Variants in GOT1L1 observed in about 807,000 individuals in gnomAD.
GOT1L1 encodes the protein glutamic-oxaloacetic transaminase 1 like 1, also known as aspartate aminotransferase, cytoplasmic 2.
In GOT1L1, 38 loss-of-function variants were observed where a neutral mutation model predicts 43.6. The observed-to-expected ratio is 0.87, with a 90% CI of 0.67 to 1.14. The LOEUF (loss-of-function observed/expected upper bound fraction) is 1.14, where lower values mean the gene tolerates loss of function less well. GOT1L1 is among the 50% of genes most tolerant of loss of function. The probability of loss-of-function intolerance (pLI) is 0.00; values close to 1 mark genes in which losing one functional copy is unlikely to be tolerated. For missense variants in GOT1L1, 482 were observed against 504.0 expected (o/e 0.96, Z 0.42); for synonymous variants, 183 against 187.2 (o/e 0.98, Z 0.18).
At chr8:37,939,428 AAAAATATATATATATATATAT>A (rs1276689497) in intron 1 of GOT1L1, among the ~76,000 whole-genome samples, 5 of 55,262 alleles carry the variant, frequency 9.0e-5, no homozygotes, top group African/African-American at 4.2e-4. Flanking sequence ...AAAAAAAAAA[AAAAATATATATATATATATAT>A]ATATATATAT....
intron 1 of GOT1L1, 47 bp downstream of exon 1, chr8:37,939,868 A>G: frequency 6.4e-7 from 1 of 1,574,572 alleles, no homozygotes; most frequent in East Asian, 2.3e-5. Context: ...TCCTAGAGGC[A>G]GTTACCATCA....
chr8:37,935,724 G>T lies in GOT1L1; in HGVS notation c.909C>A (p.Asn303Lys). ...CTTACCATTCTCCCAGCAGAGCAGG[G>T]TTGCAGAGGATGGAGGTGATGACAC... is the stretch of plus-strand genomic sequence containing the variant. ...GARVITSILC[N>K]PALLGEWKQS... The change falls in exon 7 of 9, where the codon AAC becomes AAA. Residue 303 changes from asparagine to lysine, a missense_variant. Transcript: ENST00000307599. 6.3e-7 allele frequency: 1 copy of T among 1,597,658 alleles called. No individual in the cohort carries two copies. Among genetic ancestry groups the T allele is most frequent in the Admixed American group, 1.7e-5 (1 of 57,372 alleles).
chr8:37,939,429 A>AT (rs1554537556), intron 1 of GOT1L1, among the ~76,000 whole-genome samples: 6 of 52,746 alleles, frequency 1.1e-4, no homozygotes, highest in Admixed American at 2.0e-4. Context: ...AAAAAAAAAA[A>AT]AAATATATAT....
Position 37,939,416 on chromosome 8 carries a change from G to GAAAAA in GOT1L1, c.115+494_115+498dup, listed in dbSNP as rs4058283. On this transcript the variant is annotated intron_variant, in intron 1 of 8. Transcript: ENST00000307599. ...GCAACAGAGTGAGGCCCTGTCTCAA[G>GAAAAA]AAAAAAAAAAAAAAAATATATATAT... Among the ~76,000 whole-genome samples, 117 of 21,388 alleles carry GAAAAA rather than the reference G, an allele frequency of 5.5e-3. 4 individuals are homozygous for GAAAAA. The highest frequency in any genetic ancestry group is 7.0e-3 in the Admixed American group (9 of 1,280). The allele number at this position is 21,388 out of a possible 152,430, so 14.0% of individuals were successfully genotyped here.
rs151011886 is a variant in GOT1L1, at chr8:37,939,949, A to T, written c.81T>A (p.Asp27Glu). Residue 27 changes from aspartate (D) to glutamate (E), a missense_variant, in exon 1 of 9, where the codon GAT becomes GAA. By Grantham distance (45) the Asp-to-Glu change is conservative. Transcript: ENST00000307599. ...CTAAGAATATCTTGTTCGGGTAATC[A>T]TCTTGTTTGTAGGTCTTTAACAAGC... ...EGSLLKTYKQDDYPNKIFLAY... is the reference protein window; with the variant it reads ...EGSLLKTYKQEDYPNKIFLAY... 1 of 1,613,692 alleles carries T rather than the reference A, an allele frequency of 6.2e-7. No individual in the cohort carries two copies. Among genetic ancestry groups the T allele is most frequent in the Non-Finnish European group, 8.5e-7 (1 of 1,179,678 alleles).
intron 3 of GOT1L1, 38 bp downstream of exon 3, chr8:37,937,600 C>T (rs775243252): frequency 3.1e-5 from 42 of 1,373,086 alleles, no homozygotes; most frequent in Admixed American, 3.8e-5. Context: ...GAACAAGGGA[C>T]GGGGATTGCT....
intron 7 of GOT1L1, 117 bp from the exon 8 acceptor site, chr8:37,935,332 C>G (rs1807715833): frequency 1.2e-5 from 13 of 1,052,614 alleles, no homozygotes; most frequent in Non-Finnish European, 1.8e-5. Flanking sequence ...GCCAGAGGCT[C>G]TGGGATGATT....
chr8:37,937,401 C>A lies in GOT1L1; in HGVS notation c.410-15G>T. 6.6e-7 allele frequency: 1 copy of A among 1,505,862 alleles called. No homozygotes were observed. The highest frequency in any genetic ancestry group is 1.2e-5 in the South Asian group (1 of 80,918). The allele number at this position is 1,505,862 out of a possible 1,614,324, so 93.3% of individuals were successfully genotyped here. ...TCCATGCAGTTCTGTGGGAACACAGCCCCCCACTAGCTGGTACATGGGAAA... is the reference window on the plus strand; with the variant it reads ...TCCATGCAGTTCTGTGGGAACACAGACCCCCACTAGCTGGTACATGGGAAA... On this transcript the variant is annotated splice_polypyrimidine_tract_variant and intron_variant, in intron 3 of 8. Coordinates refer to ENST00000307599, the MANE Select transcript of GOT1L1 (RefSeq NM_152413.3).
At chr8:37,936,014 C>A in intron 6 of GOT1L1, 145 bp from the exon 7 acceptor site, 1 of 853,144 alleles carries the variant, frequency 1.2e-6, no homozygotes, top group Non-Finnish European at 1.7e-6. Context: ...TATTCAGGCT[C>A]CGGGAAGTTG....
rs1438435591 is a variant in GOT1L1 at position 37,934,478 on chromosome 8, C to T, written c.1081G>A (p.Val361Met). The T allele has an allele frequency of 2.5e-6, 4 of 1,612,244 alleles. No individual in the cohort carries two copies. Residue 361 changes from valine to methionine, a missense_variant, in exon 9 of 9, where the codon GTG becomes ATG. By Grantham distance (21) the Val-to-Met change is conservative (BLOSUM62 1). Transcript: ENST00000307599. The stretch of plus-strand genomic sequence containing the variant: ...TGCTTCTTCCTGACCAGGTATTCCA[C>T]CTGCTGGGCTAAAATCATGACAAGG... ...HGYLGLNSQQ[V>M]EYLVRKKHIY...
chr8:37,934,586 T>G, intron 8 of GOT1L1, 100 bp from the exon 9 acceptor site: 3 of 908,910 alleles, frequency 3.3e-6, no homozygotes, highest in Non-Finnish European at 5.2e-6. Context: ...GATTGATTGA[T>G]TGAGATGGAG....
rs766786765 is a variant in GOT1L1 at position 37,936,970 on chromosome 8, T to C, written c.607A>G (p.Ile203Val). The part of the protein sequence containing the change: ...PSGWAKLMSM[I>V]KSKQIFPFFD... ...GGGTGGGAGATTGGGTTTACCTTTA[T>C]CATGGACATCAACTTTGCCCACCCA... Residue 203 changes from isoleucine to valine, a missense_variant, in exon 5 of 9, where the codon ATA becomes GTA. Ile to Val is a conservative substitution (Grantham distance 29). Transcript: ENST00000307599. 17 of 1,613,792 alleles carry C rather than the reference T, an allele frequency of 1.1e-5. No individual in the cohort carries two copies. The East Asian group carries it at 3.8e-4, about 36-fold the overall frequency.
chr8:37,936,739 G>C lies in GOT1L1; in HGVS notation c.744C>G (p.Ser248=), dbSNP rs1212413347. ...CCATACCATAAATGCCAAAATTCTT[G>C]GACAGAGACTGGCTGCAGAAGAACT... ...GFEFFCSQSL[S]KNFGIYDEGV... is the part of the protein sequence containing the mutation. The change falls in exon 6 of 9, where the codon TCC becomes TCG. Residue 248 remains serine, a synonymous_variant. Transcript: ENST00000307599. The C allele has an allele frequency of 2.5e-6, 4 of 1,611,908 alleles. No homozygotes were observed. Among genetic ancestry groups the C allele is most frequent in the African/African-American group, 1.3e-5 (1 of 74,842 alleles).
intron 3 of GOT1L1, 67 bp downstream of exon 3, chr8:37,937,571 C>A (rs1807797076): frequency 1.6e-6 from 2 of 1,218,786 alleles, no homozygotes; most frequent in Non-Finnish European, 2.4e-6. Flanking sequence ...GTGAAGATGG[C>A]AAATGGGGTG....
At chr8:37,939,699 C>A (rs1246567949) in intron 1 of GOT1L1, among the ~76,000 whole-genome samples, 1 of 151,726 alleles carries the variant, frequency 6.6e-6, no homozygotes, top group Admixed American at 6.6e-5. Context: ...TAGCTCTCAC[C>A]AAATCCCTAG....
chr8:37,936,773 T>C lies in GOT1L1; in HGVS notation c.710A>G (p.Gln237Arg). ...CTGGCTGCAGAAGAACTCAAAGCCTTGAGACACAAAGTATTGTAAGATTCT... is the reference window on the plus strand; with the variant it reads ...CTGGCTGCAGAAGAACTCAAAGCCTCGAGACACAAAGTATTGTAAGATTCT... ...DTRILQYFVS[Q>R]GFEFFCSQSL... The change falls in exon 6 of 9, where the codon CAA becomes CGA. Residue 237 changes from glutamine (Q) to arginine (R), a missense_variant. Physicochemically the swap from Gln to Arg is conservative, Grantham distance 43. Transcript: ENST00000307599. 6.2e-7 allele frequency: 1 copy of C among 1,612,974 alleles called. No homozygotes were observed. Among genetic ancestry groups the C allele is most frequent in the Non-Finnish European group, 8.5e-7 (1 of 1,179,052 alleles).
rs140811166 is a variant in GOT1L1 at position 37,937,927 on chromosome 8, G to A, written c.298-178C>T. Among the ~76,000 whole-genome samples the A allele has an allele frequency of 1.4e-4, 22 of 152,222 alleles. No homozygotes were observed. In the East Asian group the frequency reaches 2.7e-3, roughly 19 times the overall value. On this transcript the variant is annotated intron_variant, in intron 2 of 8. Transcript: ENST00000307599. ...GTGGTGTTGGGCATGTGTAATCCCC[G>A]CTACTCAAGAGGCTGAGGCAGGAGA...
intron 2 of GOT1L1, among the ~76,000 whole-genome samples, 177 bp from the exon 3 acceptor site, chr8:37,937,926 C>T (rs780957987): frequency 2.0e-5 from 3 of 151,930 alleles, no homozygotes; most frequent in Non-Finnish European, 4.4e-5. Context: ...GTGTAATCCC[C>T]GCTACTCAAG....
At chr8:37,938,659 C>T in intron 2 of GOT1L1, 41 bp downstream of exon 2, 1 of 1,517,924 alleles carries the variant, frequency 6.6e-7, no homozygotes, top group East Asian at 2.4e-5. Flanking sequence ...GATCGCCACT[C>T]TCTGTGTCTA....
Sources: gnomAD v4.1 joint callset for allele counts (sites outside exome capture counted in the v4.1 genomes callset) on GRCh38, gnomAD v4.1.1 for gene constraint, MANE v1.5 for transcripts, NCBI Gene and HGNC (gene_info 2026-07-23, HGNC 2026-07-21) for gene names.